The following LMTK2 variants were observed in gnomAD, a reference collection of about 807,000 sequenced individuals.
LMTK2 encodes the protein serine/threonine-protein kinase LMTK2.
In LMTK2, 37 loss-of-function variants were observed where a neutral mutation model predicts 127.5. The observed-to-expected ratio is 0.29, with a 90% CI of 0.22 to 0.38. The LOEUF is 0.38. Among genes scored for constraint, LMTK2 ranks in the 10% least tolerant of loss-of-function variants. The pLI is 1.00. For missense variants in LMTK2, 1,694 were observed against 1,920.3 expected (o/e 0.88, Z 2.20); for synonymous variants, 819 against 810.1 (o/e 1.01, Z -0.19).
chr7:98,193,979 A>G lies in LMTK2; in HGVS notation c.3514A>G (p.Ser1172Gly). The G allele has an allele frequency of 6.2e-7, 1 of 1,614,104 alleles. No homozygotes were observed. The highest frequency in any genetic ancestry group is 1.3e-5 in the African/African-American group (1 of 75,050). Residue 1172 changes from serine to glycine, a missense_variant, in exon 11 of 14, where the codon AGT becomes GGT. Around this residue, in one of 8 missense-constraint regions of LMTK2, gnomAD observed 554 missense variants for 567.7 expected, o/e 0.98. Coordinates refer to ENST00000297293, the MANE Select transcript of LMTK2 (RefSeq NM_014916.4). The surrounding 1 kb of genome is among the most constrained non-coding windows in gnomAD (Gnocchi z 4.1). ...TTGTCTGTCTGCTTTGCACAACTCC[A>G]GTGACCTGGAATTAAGAGCCACGCC... is the stretch of plus-strand genomic sequence containing the variant. ...ESCLSALHNS[S>G]DLELRATPEP...
intron 11 of LMTK2, among the ~76,000 whole-genome samples, chr7:98,196,991 C>CGTG (rs1239649841): frequency 6.6e-6 from 1 of 152,198 alleles, no homozygotes; most frequent in Admixed American, 6.5e-5. Context: ...TCCTCCCACT[C>CGTG]CTGCTTTCTT....
intron 6 of LMTK2, among the ~76,000 whole-genome samples, chr7:98,165,315 C>T (rs1797078219): frequency 6.6e-6 from 1 of 152,164 alleles, no homozygotes; most frequent in African/African-American, 2.4e-5. Context: ...GCAGTAGCTT[C>T]AGTCTACAGA....
intron 1 of LMTK2, among the ~76,000 whole-genome samples, chr7:98,129,720 TG>T (rs1796495252): frequency 6.6e-6 from 1 of 151,448 alleles, no homozygotes; most frequent in African/African-American, 2.5e-5. Flanking sequence ...CTGTTGTTGT[TG>T]TTTTTCCTGT....
In LMTK2 at chr7:98,193,636, C is replaced by T; in HGVS notation, c.3171C>T (p.Ala1057=). ...APEGTADSEP[A]TTGDGGHSGL... ...AGGGCACCGCAGACTCAGAACCAGC[C>T]ACCACGGGCGATGGCGGCCACAGCG... The change falls in exon 11 of 14, where the codon GCC becomes GCT. Residue 1057 remains alanine, a synonymous_variant. Transcript: ENST00000297293. This position sits in a 1 kb window ranked among gnomAD's most constrained non-coding sequence, Gnocchi z 4.1. 3 of 1,614,052 alleles carry T rather than the reference C, an allele frequency of 1.9e-6. No homozygotes were observed. The Admixed American group carries it at 5.0e-5, about 27-fold the overall frequency.
Position 98,204,189 on chromosome 7 carries a change from G to A in LMTK2, c.4483+3G>A. 1.9e-6 allele frequency: 3 copies of A among 1,604,568 alleles called. No individual in the cohort carries two copies. The highest frequency in any genetic ancestry group is 2.5e-6 in the Non-Finnish European group (3 of 1,179,910). Reference sequence around the variant, plus strand: ...CGACTCGGACATCGAGCAGGGCGGTGAGAGGCGCTGCGTGCTGGGGATTGG... The same window carrying A: ...CGACTCGGACATCGAGCAGGGCGGTAAGAGGCGCTGCGTGCTGGGGATTGG... On this transcript the variant is annotated splice_donor_region_variant and intron_variant, in intron 13 of 13. Coordinates refer to ENST00000297293, the MANE Select transcript of LMTK2 (RefSeq NM_014916.4).
At chr7:98,107,340 G>T in intron 1 of LMTK2, 60 bp downstream of exon 1, 1 of 1,098,118 alleles carries the variant, frequency 9.1e-7, no homozygotes, top group South Asian at 3.3e-5. Flanking sequence ...GGGAGGGGGC[G>T]GCAGGGCCGG....
At chr7:98,120,732 C>T (rs1796348902) in intron 1 of LMTK2, among the ~76,000 whole-genome samples, 1 of 152,132 alleles carries the variant, frequency 6.6e-6, no homozygotes. Context: ...GTTGCTTCCC[C>T]GGATCCAGCC....
Position 98,171,407 on chromosome 7 carries a change from G to C in LMTK2, c.658-134G>C. ...TCTATACTTTCGCAGTATTGGGTTG[G>C]AACTTCTTTAAGTATGAACAAAAGA... On this transcript the variant is annotated intron_variant, in intron 6 of 13. Coordinates refer to ENST00000297293, the MANE Select transcript of LMTK2 (RefSeq NM_014916.4). The surrounding 1 kb of genome is among the most constrained non-coding windows in gnomAD (Gnocchi z 5.1). 1 of 1,128,742 alleles carries C rather than the reference G, an allele frequency of 8.9e-7. No individual in the cohort carries two copies. The highest frequency in any genetic ancestry group is 1.3e-6 in the Non-Finnish European group (1 of 758,526). The allele number at this position is 1,128,742 out of a possible 1,614,324, so 69.9% of individuals were successfully genotyped here. A position where few individuals can be genotyped will look rare whatever the true frequency, so the allele number is the denominator to read the frequency against.
At chr7:98,151,341 T>C (rs757358792) in intron 3 of LMTK2, 41 bp from the exon 4 acceptor site, 2 of 1,326,348 alleles carry the variant, frequency 1.5e-6, no homozygotes, top group South Asian at 2.5e-5. Flanking sequence ...ATTTAATATT[T>C]AGATACTTAT....
chr7:98,125,252 A>G (rs1562897653), intron 1 of LMTK2, among the ~76,000 whole-genome samples: 1 of 151,942 alleles, frequency 6.6e-6, no homozygotes, highest in Non-Finnish European at 1.5e-5. Flanking sequence ...GCAGTGAGCC[A>G]AGATCACGCC....
chr7:98,158,380 T>C (rs1381415926), intron 5 of LMTK2, among the ~76,000 whole-genome samples: 1 of 152,156 alleles, frequency 6.6e-6, no homozygotes, highest in African/African-American at 2.4e-5. Flanking sequence ...GCTCACGCAA[T>C]ACTCCCGGCT....
At chr7:98,148,208 A>G (rs920833470) in intron 3 of LMTK2, among the ~76,000 whole-genome samples, 1 of 151,526 alleles carries the variant, frequency 6.6e-6, no homozygotes, top group Non-Finnish European at 1.5e-5. Flanking sequence ...AAAAAAATTA[A>G]GCCAGGTGTG....
At chr7:98,140,190 T>G (rs1796672357) in intron 2 of LMTK2, among the ~76,000 whole-genome samples, 19 of 31,820 alleles carry the variant, frequency 6.0e-4, no homozygotes, top group East Asian at 3.7e-3. Context: ...TCTTTCTTCT[T>G]TCTGTCTTTG....
chr7:98,125,420 G>GT (rs1796431065), intron 1 of LMTK2, among the ~76,000 whole-genome samples: 1 of 152,030 alleles, frequency 6.6e-6, no homozygotes, highest in Admixed American at 6.5e-5. Flanking sequence ...CAGGGACTTT[G>GT]TTTTTTTCAC....
At chr7:98,190,939 C>A (rs76523088) in intron 10 of LMTK2, 62 bp downstream of exon 10, 16 of 1,374,466 alleles carry the variant, frequency 1.2e-5, no homozygotes, top group Admixed American at 4.2e-5. Context: ...CCCCAAAACA[C>A]AAAAAAATTC....
At chr7:98,196,647 C>T (rs946378011) in intron 11 of LMTK2, among the ~76,000 whole-genome samples, 16 of 152,214 alleles carry the variant, frequency 1.1e-4, no homozygotes, top group African/African-American at 3.9e-4. Flanking sequence ...AGAAAACTCC[C>T]TGGGGCCGCA....
At chr7:98,135,798 T>C (rs945323353) in intron 1 of LMTK2, among the ~76,000 whole-genome samples, 2 of 151,758 alleles carry the variant, frequency 1.3e-5, no homozygotes, top group Non-Finnish European at 1.5e-5. Context: ...TAGATAGGGA[T>C]GGGAAAAGGC....
At chr7:98,150,362 AAT>A (rs1796836044) in intron 3 of LMTK2, among the ~76,000 whole-genome samples, 1 of 152,072 alleles carries the variant, frequency 6.6e-6, no homozygotes, top group South Asian at 2.1e-4. Flanking sequence ...TACCCTTTAG[AAT>A]GGCTAAGATG....
At chr7:98,112,765 A>G (rs1241771742) in intron 1 of LMTK2, among the ~76,000 whole-genome samples, 2 of 152,214 alleles carry the variant, frequency 1.3e-5, no homozygotes, top group East Asian at 3.8e-4. Flanking sequence ...CTTTGAAAAA[A>G]GAAAGAAGAA....
Sources: allele counts gnomAD v4.1 joint callset (sites outside exome capture counted in the v4.1 genomes callset), GRCh38; gene constraint gnomAD v4.1.1; regional missense constraint gnomAD v4.1.1; non-coding constraint Gnocchi (gnomAD v3.1); transcripts MANE v1.5; gene names NCBI Gene and HGNC (gene_info 2026-07-23, HGNC 2026-07-21).